Variants in SOCS5 observed in about 807,000 individuals in gnomAD.
The protein encoded by SOCS5 is suppressor of cytokine signaling 5, also known as CIS-6.
In SOCS5, 32 loss-of-function variants were observed where a neutral mutation model predicts 42.8. The ratio of observed to expected loss-of-function variants is 0.75; its 90% confidence interval spans 0.56 to 1.01. The LOEUF (loss-of-function observed/expected upper bound fraction) is 1.01. Ranked by LOEUF, SOCS5 falls within the 50% of genes least tolerant of loss-of-function variation. The probability of loss-of-function intolerance (pLI) is 0.00; values close to 1 mark genes in which losing one functional copy is unlikely to be tolerated. For synonymous variants in SOCS5, 283 were observed against 229.6 expected, an observed-to-expected ratio of 1.23 and a Z score of -2.10; for missense variants, 627 against 653.0, an observed-to-expected ratio of 0.96 and a Z score of 0.43.
intron 1 of SOCS5, among the ~76,000 whole-genome samples, chr2:46,740,631 A>C (rs1429140897): frequency 6.6e-6 from 1 of 152,192 alleles, no homozygotes; most frequent in Non-Finnish European, 1.5e-5. Flanking sequence ...CTAGAAGCAG[A>C]GATACCAGCT....
chr2:46,737,486 A>C (rs1232632750), intron 1 of SOCS5, among the ~76,000 whole-genome samples: 2 of 152,182 alleles, frequency 1.3e-5, no homozygotes, highest in Non-Finnish European at 2.9e-5. Context: ...ATAACTGATT[A>C]TTATTAGTTT....
At chr2:46,736,839 C>T (rs1053729977) in intron 1 of SOCS5, among the ~76,000 whole-genome samples, 9 of 138,788 alleles carry the variant, frequency 6.5e-5, no homozygotes, top group African/African-American at 2.5e-4. Flanking sequence ...TTTTGGATTT[C>T]AGATTTTTTT....
rs575016338 is a variant in SOCS5, at chr2:46,747,775, T to C, written c.-12-10744T>C. Among the ~76,000 whole-genome samples the C allele has an allele frequency of 1.4e-4, 22 of 152,292 alleles. No individual in the cohort carries two copies. In the East Asian group the frequency reaches 4.0e-3, roughly 28 times the overall value. On this transcript the variant is annotated intron_variant, in intron 1 of 1. Transcript: ENST00000394861. ...AAATTGAAGGTCAATTTAGAGTAAATAGGCATAGAGAAAGAGCTTTAAATA... is the reference window on the plus strand; with the variant it reads ...AAATTGAAGGTCAATTTAGAGTAAACAGGCATAGAGAAAGAGCTTTAAATA...
intron 1 of SOCS5, among the ~76,000 whole-genome samples, chr2:46,728,853 G>A (rs553959512): frequency 6.6e-6 from 1 of 152,262 alleles, no homozygotes; most frequent in South Asian, 2.1e-4. Context: ...CACCACGCTG[G>A]CCAGCGATTT....
rs149963706 is a variant in SOCS5, at chr2:46,756,772, C to T, written c.-12-1747C>T. On this transcript the variant is annotated intron_variant, in intron 1 of 1. Coordinates refer to ENST00000394861, the MANE Select transcript of SOCS5 (RefSeq NM_144949.3). ...AAAGATAATGGAGTCACCAAGAATA[C>T]GGCAGGAATTCGACTGTATTAACAG... is the stretch of plus-strand genomic sequence containing the variant. Among the ~76,000 whole-genome samples, 116 of 152,174 alleles carry T rather than the reference C, an allele frequency of 7.6e-4. 1 individual carries two copies. In the East Asian group the frequency reaches 0.01, roughly 13 times the overall value.
intron 1 of SOCS5, among the ~76,000 whole-genome samples, chr2:46,730,048 C>T (rs568937461): frequency 1.3e-5 from 2 of 152,120 alleles, no homozygotes; most frequent in African/African-American, 4.8e-5. Context: ...ATCTAGACAT[C>T]ATTAGAATAG....
chr2:46,705,405 T>G (rs35825831), intron 1 of SOCS5, among the ~76,000 whole-genome samples: 43,626 of 152,142 alleles, frequency 0.29, 7,161 homozygotes, highest in Non-Finnish European at 0.37. Flanking sequence ...GTAGCTGCTT[T>G]AGAATTGATT....
chr2:46,749,537 CATAAG>C (rs1377724315), intron 1 of SOCS5, among the ~76,000 whole-genome samples: 1 of 152,134 alleles, frequency 6.6e-6, no homozygotes, highest in Non-Finnish European at 1.5e-5. Context: ...TAGTATATTA[CATAAG>C]ATATTTTCCC....
At chr2:46,755,324 ATTATT>A (rs1315277432) in intron 1 of SOCS5, among the ~76,000 whole-genome samples, 1 of 152,168 alleles carries the variant, frequency 6.6e-6, no homozygotes, top group Non-Finnish European at 1.5e-5. Flanking sequence ...AATTATTTCA[ATTATT>A]TTGTTTTGTG....
intron 1 of SOCS5, among the ~76,000 whole-genome samples, chr2:46,735,667 T>C (rs1201004092): frequency 1.3e-5 from 2 of 152,072 alleles, no homozygotes; most frequent in Admixed American, 1.3e-4. Context: ...TAGTCCATGT[T>C]CATACTTGTT....
intron 1 of SOCS5, among the ~76,000 whole-genome samples, chr2:46,705,755 G>C (rs1282725295): frequency 6.6e-6 from 1 of 152,170 alleles, no homozygotes; most frequent in African/African-American, 2.4e-5. Context: ...ACTGGGATGA[G>C]TTTTATTTAA....
chr2:46,754,968 G>A (rs185016003), intron 1 of SOCS5, among the ~76,000 whole-genome samples: 1 of 152,146 alleles, frequency 6.6e-6, no homozygotes, highest in Admixed American at 6.5e-5. Context: ...ATCAAAACTT[G>A]TCTCCTAAAC....
At chr2:46,728,134 A>C (rs1319466175) in intron 1 of SOCS5, among the ~76,000 whole-genome samples, 1 of 152,128 alleles carries the variant, frequency 6.6e-6, no homozygotes, top group East Asian at 1.9e-4. Context: ...TTCCACTTCC[A>C]GGTTTCCCCC....
intron 1 of SOCS5, among the ~76,000 whole-genome samples, chr2:46,706,554 G>A (rs1279578176): frequency 6.6e-6 from 1 of 152,074 alleles, no homozygotes; most frequent in East Asian, 1.9e-4. Flanking sequence ...AGTCACCTCT[G>A]GTGACCCCTG....
At chr2:46,743,675 A>T (rs1673427940) in intron 1 of SOCS5, among the ~76,000 whole-genome samples, 1 of 152,114 alleles carries the variant, frequency 6.6e-6, no homozygotes, top group South Asian at 2.1e-4. Flanking sequence ...ATTTTACCCA[A>T]CCCCTACTCA....
chr2:46,737,873 G>A (rs1673287509), intron 1 of SOCS5, among the ~76,000 whole-genome samples: 1 of 151,462 alleles, frequency 6.6e-6, no homozygotes, highest in Admixed American at 6.6e-5. Flanking sequence ...AAAAAAAATT[G>A]GGATGTAAAT....
intron 1 of SOCS5, among the ~76,000 whole-genome samples, chr2:46,730,832 G>A (rs907008917): frequency 6.6e-6 from 1 of 152,146 alleles, no homozygotes; most frequent in Admixed American, 6.5e-5. Flanking sequence ...TATCGGATTA[G>A]TAGGTATATT....
At chr2:46,746,921 T>C (rs1673512232) in intron 1 of SOCS5, among the ~76,000 whole-genome samples, 1 of 134,470 alleles carries the variant, frequency 7.4e-6, no homozygotes, top group South Asian at 2.3e-4. Flanking sequence ...TGACTTTATT[T>C]CTTTTTTTTT....
intron 1 of SOCS5, among the ~76,000 whole-genome samples, chr2:46,718,567 T>C (rs553731633): frequency 6.6e-6 from 1 of 152,324 alleles, no homozygotes; most frequent in South Asian, 2.1e-4. Context: ...ATAATTATTT[T>C]ATTTTTAAAA....
Sources: allele counts gnomAD v4.1 joint callset (sites outside exome capture counted in the v4.1 genomes callset), GRCh38; gene constraint gnomAD v4.1.1; transcripts MANE v1.5; gene names NCBI Gene and HGNC (gene_info 2026-07-23, HGNC 2026-07-21).